The following PHF14 variants were observed in gnomAD, a reference collection of about 807,000 sequenced individuals.
The protein encoded by PHF14 is PHD finger protein 14.
In PHF14, 55 loss-of-function variants were observed where a neutral mutation model predicts 117.9. The ratio of observed to expected loss-of-function variants is 0.47; its 90% CI spans 0.38 to 0.58. The LOEUF (loss-of-function observed/expected upper bound fraction) is 0.58, where lower values mean the gene tolerates loss of function less well. PHF14 is among the 20% of genes least tolerant of loss of function. PHF14 has a pLI of 0.00. For missense variants in PHF14, 978 were observed against 1,122.2 expected (o/e 0.87, Z 1.84); for synonymous variants, 409 against 368.6 (o/e 1.11, Z -1.26).
intron 6 of PHF14, among the ~76,000 whole-genome samples, chr7:11,025,396 A>G (rs932489563): frequency 1.7e-4 from 26 of 152,364 alleles, no homozygotes; most frequent in Admixed American, 1.0e-3. Flanking sequence ...TTTTGAAGGA[A>G]GTTCTACCAT....
chr7:11,035,867 C>A, intron 8 of PHF14, 81 bp downstream of exon 8: 1 of 1,054,484 alleles, frequency 9.5e-7, no homozygotes, highest in South Asian at 1.7e-5. Context: ...CTTCCAGTGA[C>A]ATGTGACGTA....
chr7:11,064,718 T>G (rs1278160910), intron 16 of PHF14, among the ~76,000 whole-genome samples: 1 of 152,056 alleles, frequency 6.6e-6, no homozygotes, highest in Non-Finnish European at 1.5e-5. Context: ...ATTGAACAAT[T>G]GCATGCAATT....
chr7:11,122,352 TACAC>T lies in PHF14; in HGVS notation c.2772+10915_2772+10918del, dbSNP rs747467173. Among the ~76,000 whole-genome samples the T allele has an allele frequency of 5.6e-3, 368 of 65,856 alleles. 13 individuals carry two copies. The highest frequency in any genetic ancestry group is 0.022 in the Middle Eastern group (3 of 134). The allele number at this position is 65,856 out of a possible 152,430, so 43.2% of individuals were successfully genotyped here. ...CTTTTTATATATATATATATATATATACACACACACACACACACACACACACACA... is the reference window on the plus strand; with the variant it reads ...CTTTTTATATATATATATATATATATACACACACACACACACACACACACA... On this transcript the variant is annotated intron_variant, in intron 17 of 17. Transcript: ENST00000634607.
chr7:11,144,628 C>A (rs1788496895), intron 17 of PHF14, among the ~76,000 whole-genome samples: 1 of 148,758 alleles, frequency 6.7e-6, no homozygotes, highest in African/African-American at 2.5e-5. Context: ...ATTATATTTA[C>A]TAATGTTCCT....
At position 11,162,072 on chromosome 7, in the gene PHF14, C is replaced by CTTT. The variant is rs564998009; in HGVS notation, c.2773-7312_2773-7310dup. Among the ~76,000 whole-genome samples the CTTT allele has an allele frequency of 1.7e-3, 116 of 70,282 alleles. 4 individuals carry two copies. The highest frequency in any genetic ancestry group is 1.7e-3 in the African/African-American group (42 of 24,260). 46.1% of individuals were successfully genotyped at this position (70,282 alleles called of 152,430 possible). ...TCAGCAGGATATCTTAAAAATATGT[C>CTTT]TTTTTTTTTTTTTTTTTTTTTTTTT... On this transcript the variant is annotated intron_variant, in intron 17 of 17. Coordinates refer to ENST00000634607, the MANE Select transcript of PHF14 (RefSeq NM_001007157.2).
chr7:11,076,881 T>G (rs1013735928), intron 16 of PHF14, among the ~76,000 whole-genome samples: 2 of 151,390 alleles, frequency 1.3e-5, no homozygotes, highest in African/African-American at 2.4e-5. Context: ...AAATATGGTT[T>G]TTTTTTTTTT....
intron 4 of PHF14, among the ~76,000 whole-genome samples, chr7:10,994,800 G>A (rs1562566332): frequency 6.6e-6 from 1 of 152,114 alleles, no homozygotes; most frequent in South Asian, 2.1e-4. Context: ...GCAGACCTTC[G>A]CGGTGAGTGT....
At chr7:11,069,644 C>T in intron 16 of PHF14, among the ~76,000 whole-genome samples, 1 of 131,304 alleles carries the variant, frequency 7.6e-6, no homozygotes, top group Non-Finnish European at 1.6e-5. Context: ...CCCCTCCCCT[C>T]CTCTCCTCTC....
At chr7:11,086,107 A>G (rs556863613) in intron 16 of PHF14, among the ~76,000 whole-genome samples, 36 of 151,952 alleles carry the variant, frequency 2.4e-4, no homozygotes, top group African/African-American at 8.4e-4. Context: ...TCCTTCATCA[A>G]CTCTCTCCTG....
chr7:11,009,864 G>C (rs1239598549), intron 4 of PHF14, among the ~76,000 whole-genome samples: 1 of 152,180 alleles, frequency 6.6e-6, no homozygotes, highest in African/African-American at 2.4e-5. Flanking sequence ...GAATTTCCTG[G>C]GAATGGATTT....
chr7:11,109,247 T>A (rs1337150589), intron 16 of PHF14: 1 of 151,688 alleles, frequency 6.6e-6, no homozygotes, highest in East Asian at 1.9e-4. Context: ...GGCTGATAGT[T>A]TTCAGGCAAG....
At chr7:11,134,508 A>G (rs931280241) in intron 17 of PHF14, among the ~76,000 whole-genome samples, 1 of 152,020 alleles carries the variant, frequency 6.6e-6, no homozygotes, top group Non-Finnish European at 1.5e-5. Flanking sequence ...TTTTACAGCC[A>G]CTTGTATGGT....
intron 17 of PHF14, among the ~76,000 whole-genome samples, chr7:11,134,119 T>C (rs1192088545): frequency 6.6e-6 from 1 of 152,026 alleles, no homozygotes; most frequent in African/African-American, 2.4e-5. Flanking sequence ...GGTGGGGCTG[T>C]AACCCATTAA....
intron 4 of PHF14, among the ~76,000 whole-genome samples, chr7:11,004,679 AT>A (rs879301715): frequency 2.6e-3 from 366 of 142,796 alleles, no homozygotes; most frequent in African/African-American, 4.5e-3. Context: ...TTCAGTTTAA[AT>A]TTTTTTTTTT....
chr7:11,050,590 G>T (rs951813186), intron 13 of PHF14, among the ~76,000 whole-genome samples: 3 of 152,118 alleles, frequency 2.0e-5, no homozygotes, highest in Admixed American at 6.5e-5. Flanking sequence ...TTTCTCAGTG[G>T]TATTTGCCAC....
chr7:11,062,243 A>C (rs1243177176), intron 16 of PHF14, 158 bp downstream of exon 16: 3 of 527,548 alleles, frequency 5.7e-6, no homozygotes, highest in Non-Finnish European at 6.5e-6. Context: ...CCACTTCTTA[A>C]CCTCTCACAC....
chr7:11,070,519 T>C (rs1005622624), intron 16 of PHF14, among the ~76,000 whole-genome samples: 3 of 152,250 alleles, frequency 2.0e-5, no homozygotes, highest in African/African-American at 7.2e-5. Context: ...ACTTTCCTGC[T>C]TTCTGTAATG....
At chr7:11,140,153 C>T (rs958123910) in intron 17 of PHF14, among the ~76,000 whole-genome samples, 2 of 152,130 alleles carry the variant, frequency 1.3e-5, no homozygotes, top group African/African-American at 2.4e-5. Flanking sequence ...CCCCTGCACA[C>T]ACCTGTACAT....
At chr7:11,135,964 A>G (rs1788209280) in intron 17 of PHF14, among the ~76,000 whole-genome samples, 1 of 152,202 alleles carries the variant, frequency 6.6e-6, no homozygotes, top group Non-Finnish European at 1.5e-5. Context: ...ATATTCAGAC[A>G]TTCCTCGTTA....
Sources: gnomAD v4.1 joint callset for allele counts (sites outside exome capture counted in the v4.1 genomes callset) on GRCh38, gnomAD v4.1.1 for gene constraint, MANE v1.5 for transcripts, NCBI Gene and HGNC (gene_info 2026-07-23, HGNC 2026-07-21) for gene names.